SYT9: variants seen among roughly 807,000 people sequenced by gnomAD.
SYT9 encodes synaptotagmin-9.
Under a neutral mutation model 48.4 loss-of-function variants are expected in SYT9, and 22 were observed. The ratio of observed to expected loss-of-function variants is 0.45; its 90% CI spans 0.32 to 0.65. The LOEUF is 0.65. Ranked by LOEUF, SYT9 falls within the 30% of genes least tolerant of loss-of-function variation. SYT9 has a pLI of 0.03. For missense variants in SYT9, 577 were observed against 622.0 expected, an observed-to-expected ratio of 0.93 and a Z score of 0.77; for synonymous variants, 265 against 245.0, an observed-to-expected ratio of 1.08 and a Z score of -0.76.
At chr11:7,289,361 G>A (rs549217591) in intron 1 of SYT9, among the ~76,000 whole-genome samples, 7 of 152,218 alleles carry the variant, frequency 4.6e-5, no homozygotes, top group African/African-American at 1.7e-4. Flanking sequence ...TTTCAGCATG[G>A]GATGGTGAAA....
intron 1 of SYT9, among the ~76,000 whole-genome samples, chr11:7,271,752 A>G (rs1848300642): frequency 6.6e-6 from 1 of 151,862 alleles, no homozygotes; most frequent in African/African-American, 2.4e-5. Flanking sequence ...AATTTTTTGT[A>G]TTTTTAGTAG....
At chr11:7,466,448 C>T (rs1033083984) in intron 6 of SYT9, among the ~76,000 whole-genome samples, 1 of 152,246 alleles carries the variant, frequency 6.6e-6, no homozygotes, top group South Asian at 2.1e-4. Context: ...ATGGGCCAGG[C>T]ACAGTGACTC....
In SYT9 at chr11:7,468,848, C is replaced by T. The variant is rs1848374104; in HGVS notation, c.*2048C>T. The T allele has an allele frequency of 6.6e-6, 1 of 152,318 alleles. No individual in the cohort carries two copies. The highest frequency in any genetic ancestry group is 2.4e-5 in the African/African-American group (1 of 41,448). The allele number at this position is 152,318 out of a possible 1,614,324, so 9.4% of individuals were successfully genotyped here. ...GAAATAGAAGGTGGCTTTGTAGGGG[C>T]AAGCAGGCAAAGAGTACTATCCACA... On this transcript the variant is annotated 3_prime_UTR_variant, in exon 7 of 7. Coordinates refer to ENST00000318881, the MANE Select transcript of SYT9 (RefSeq NM_175733.4).
intron 3 of SYT9, among the ~76,000 whole-genome samples, chr11:7,402,224 G>C (rs1846907973): frequency 6.6e-6 from 1 of 151,638 alleles, no homozygotes; most frequent in African/African-American, 2.4e-5. Flanking sequence ...GTCTTCTTGA[G>C]TTTAAGGGCC....
chr11:7,362,070 A>G (rs547708408), intron 3 of SYT9, among the ~76,000 whole-genome samples: 27 of 151,604 alleles, frequency 1.8e-4, no homozygotes, highest in African/African-American at 6.3e-4. Flanking sequence ...CTTTCCCCAA[A>G]GTACCATCCA....
At chr11:7,393,579 C>T (rs1354025992) in intron 3 of SYT9, among the ~76,000 whole-genome samples, 2 of 151,942 alleles carry the variant, frequency 1.3e-5, no homozygotes, top group Non-Finnish European at 2.9e-5. Context: ...GTTGTTTTGT[C>T]TTTGCCAGAT....
chr11:7,431,251 T>C (rs11041379), intron 6 of SYT9, among the ~76,000 whole-genome samples: 75,387 of 152,018 alleles, frequency 0.5, 19,069 homozygotes, highest in African/African-American at 0.55. Flanking sequence ...TGTCCATACC[T>C]TAGGGATTTG....
intron 6 of SYT9, among the ~76,000 whole-genome samples, chr11:7,421,639 T>C (rs1349689092): frequency 2.0e-5 from 3 of 152,194 alleles, no homozygotes; most frequent in Non-Finnish European, 4.4e-5. Context: ...CCCCTACTTA[T>C]CTTTGCTCAT....
chr11:7,443,772 T>C (rs796456663), intron 6 of SYT9, among the ~76,000 whole-genome samples: 67 of 152,340 alleles, frequency 4.4e-4, no homozygotes, highest in African/African-American at 1.5e-3. Context: ...CTATTTGCCA[T>C]TGTATACCCA....
At chr11:7,362,843 A>C (rs940275861) in intron 3 of SYT9, among the ~76,000 whole-genome samples, 1 of 151,440 alleles carries the variant, frequency 6.6e-6, no homozygotes, top group Non-Finnish European at 1.5e-5. Flanking sequence ...ATATATCGCC[A>C]TGACTGATAT....
intron 6 of SYT9, chr11:7,465,654 A>G (rs1252717265): frequency 6.5e-6 from 1 of 153,072 alleles, no homozygotes; most frequent in Non-Finnish European, 1.5e-5. Context: ...TGCACCACTC[A>G]GACCTCATCT....
chr11:7,443,435 G>C (rs1239273671), intron 6 of SYT9, among the ~76,000 whole-genome samples: 2 of 152,210 alleles, frequency 1.3e-5, no homozygotes, highest in African/African-American at 4.8e-5. Flanking sequence ...CATGTTTTAG[G>C]GGGTAGAAGG....
chr11:7,309,018 C>T (rs994190672), intron 2 of SYT9, among the ~76,000 whole-genome samples: 6 of 152,124 alleles, frequency 3.9e-5, no homozygotes, highest in African/African-American at 7.2e-5. Flanking sequence ...TTTCTCCAGG[C>T]GTGAAAGTAT....
intron 3 of SYT9, among the ~76,000 whole-genome samples, chr11:7,341,572 A>C (rs982758188): frequency 1.3e-5 from 2 of 152,166 alleles, no homozygotes; most frequent in African/African-American, 4.8e-5. Context: ...CCTCAGCCAT[A>C]TGGAACTGAA....
intron 6 of SYT9, among the ~76,000 whole-genome samples, chr11:7,459,850 G>C (rs1035081736): frequency 3.9e-5 from 6 of 152,158 alleles, no homozygotes; most frequent in Non-Finnish European, 8.8e-5. Context: ...CAACCACTAA[G>C]AGCTAGGAAG....
intron 6 of SYT9, among the ~76,000 whole-genome samples, chr11:7,424,009 A>G (rs1001506204): frequency 3.3e-5 from 5 of 152,124 alleles, no homozygotes; most frequent in African/African-American, 1.2e-4. Context: ...AGAGGGAGAG[A>G]GAACGAAGAT....
At chr11:7,443,828 G>A (rs1469357122) in intron 6 of SYT9, among the ~76,000 whole-genome samples, 1 of 152,190 alleles carries the variant, frequency 6.6e-6, no homozygotes, top group Non-Finnish European at 1.5e-5. Flanking sequence ...CCATAATTCT[G>A]TGACGGTTGT....
chr11:7,375,729 G>T (rs1349999238), intron 3 of SYT9, among the ~76,000 whole-genome samples: 3 of 152,136 alleles, frequency 2.0e-5, no homozygotes, highest in Admixed American at 2.0e-4. Context: ...TATTATTGGT[G>T]TATATGAATG....
At chr11:7,414,161 C>G (rs1847193808) in intron 3 of SYT9, among the ~76,000 whole-genome samples, 1 of 152,172 alleles carries the variant, frequency 6.6e-6, no homozygotes, top group Admixed American at 6.5e-5. Flanking sequence ...ACATCCCGAA[C>G]CTTACAAAGT....
Sources: allele counts gnomAD v4.1 joint callset (sites outside exome capture counted in the v4.1 genomes callset), GRCh38; gene constraint gnomAD v4.1.1; transcripts MANE v1.5; gene names NCBI Gene and HGNC (gene_info 2026-07-23, HGNC 2026-07-21).